Variants in USH2A observed in about 807,000 individuals in gnomAD.
USH2A encodes usherin, also known as Usher syndrome 2A (autosomal recessive, mild).
USH2A carries 443 observed loss-of-function variants against 538.9 expected under a neutral mutation model. The ratio of observed to expected loss-of-function variants is 0.82; its 90% CI spans 0.76 to 0.89. The LOEUF (loss-of-function observed/expected upper bound fraction) is 0.89, where lower values mean the gene tolerates loss of function less well. Among genes scored for constraint, USH2A ranks in the 40% least tolerant of loss-of-function variants. The pLI, the probability that USH2A is intolerant of heterozygous loss-of-function variation, is 0.00. For missense variants in USH2A, 6,633 were observed against 6,324.8 expected (o/e 1.05, Z -1.65); for synonymous variants, 2,413 against 2,273.5 (o/e 1.06, Z -1.75).
chr1:215,774,519 T>C (rs1571673552), intron 55 of USH2A, among the ~76,000 whole-genome samples: 1 of 151,942 alleles, frequency 6.6e-6, no homozygotes, highest in Non-Finnish European at 1.5e-5. Flanking sequence ...TATATTTTGA[T>C]TTTAGTGACA....
chr1:215,637,866 A>G (rs1656547266), intron 69 of USH2A, among the ~76,000 whole-genome samples: 1 of 152,120 alleles, frequency 6.6e-6, no homozygotes, highest in African/African-American at 2.4e-5. Context: ...TTGATATATC[A>G]TTAATTACTG....
At chr1:216,017,890 T>C (rs1167926815) in intron 32 of USH2A, among the ~76,000 whole-genome samples, 1 of 152,184 alleles carries the variant, frequency 6.6e-6, no homozygotes, top group African/African-American at 2.4e-5. Flanking sequence ...ACGCCTTATA[T>C]AGCATAAGAA....
At chr1:216,273,707 T>A (rs183277487) in intron 11 of USH2A, among the ~76,000 whole-genome samples, 2 of 151,714 alleles carry the variant, frequency 1.3e-5, no homozygotes, top group African/African-American at 2.4e-5. Flanking sequence ...GGAGATATTA[T>A]CAAATATAGG....
At chr1:216,094,082 T>G (rs1239673465) in intron 22 of USH2A, among the ~76,000 whole-genome samples, 1 of 152,238 alleles carries the variant, frequency 6.6e-6, no homozygotes, top group Non-Finnish European at 1.5e-5. Context: ...TCTGGCTTCT[T>G]CTTAAATATC....
intron 44 of USH2A, among the ~76,000 whole-genome samples, chr1:215,863,539 C>T (rs1664386225): frequency 6.6e-6 from 1 of 152,054 alleles, no homozygotes; most frequent in Admixed American, 6.6e-5. Flanking sequence ...TTAAACTTGC[C>T]CTCTTAATGA....
At chr1:216,145,095 C>A (rs1340650957) in intron 21 of USH2A, among the ~76,000 whole-genome samples, 2 of 152,158 alleles carry the variant, frequency 1.3e-5, no homozygotes, top group Non-Finnish European at 2.9e-5. Flanking sequence ...TCCCTCCTTC[C>A]CTTCCCTCAC....
chr1:216,183,556 T>TA (rs2034533628), intron 20 of USH2A, among the ~76,000 whole-genome samples: 1 of 152,008 alleles, frequency 6.6e-6, no homozygotes, highest in South Asian at 2.1e-4. Flanking sequence ...GACCATATGT[T>TA]ACAGTGCTGT....
At chr1:215,716,665 C>G (rs2364862) in intron 61 of USH2A, among the ~76,000 whole-genome samples, 33,443 of 152,112 alleles carry the variant, frequency 0.22, 3,996 homozygotes, top group African/African-American at 0.31. Context: ...GTTAGACAAC[C>G]CACCCTTTTG....
At position 215,623,516 on chromosome 1, in the gene USH2A, G is replaced by A. The variant is rs1217713416; in HGVS notation, c.*2265C>T. 2 of 152,072 alleles carry A rather than the reference G, an allele frequency of 1.3e-5. No individual in the cohort carries two copies. The highest frequency in any genetic ancestry group is 4.8e-5 in the African/African-American group (2 of 41,410). The allele number at this position is 152,072 out of a possible 1,614,324, so 9.4% of individuals were successfully genotyped here. A position where few individuals can be genotyped will look rare whatever the true frequency, so the allele number is the denominator to read the frequency against. On this transcript the variant is annotated 3_prime_UTR_variant, in exon 72 of 72. Transcript: ENST00000307340. Reference sequence around the variant, plus strand: ...TGCATGGTTTGTATAATAGAGGCTTGGCACGCAATACCACTTAAAGTAGCA... The same window carrying A: ...TGCATGGTTTGTATAATAGAGGCTTAGCACGCAATACCACTTAAAGTAGCA...
chr1:216,383,834 C>T (rs1468901429), intron 3 of USH2A, among the ~76,000 whole-genome samples: 1 of 151,304 alleles, frequency 6.6e-6, no homozygotes, highest in Non-Finnish European at 1.5e-5. Flanking sequence ...ACCACCATGC[C>T]TGGCTAATTT....
Position 216,004,765 on chromosome 1 carries a change from G to A in USH2A, c.6326-4203C>T, listed in dbSNP as rs368997376. ...CCACTAGTGAAGGGAAAACTATGAAGTGGATGAAAGAGAAAAAAATTGCTG... is the reference window on the plus strand; with the variant it reads ...CCACTAGTGAAGGGAAAACTATGAAATGGATGAAAGAGAAAAAAATTGCTG... On this transcript the variant is annotated intron_variant, in intron 32 of 71. Coordinates refer to ENST00000307340, the MANE Select transcript of USH2A (RefSeq NM_206933.4). 1.7e-4 allele frequency among the ~76,000 whole-genome samples: 26 copies of A among 152,280 alleles called. No individual in the cohort carries two copies. In the South Asian group the frequency reaches 5.4e-3, roughly 32 times the overall value.
intron 15 of USH2A, among the ~76,000 whole-genome samples, chr1:216,209,380 A>G (rs1432605383): frequency 6.6e-6 from 1 of 152,200 alleles, no homozygotes; most frequent in East Asian, 1.9e-4. Context: ...ACTGATGGCC[A>G]GAGGGCAATG....
intron 61 of USH2A, among the ~76,000 whole-genome samples, chr1:215,724,302 C>T (rs1659748442): frequency 6.6e-6 from 1 of 151,944 alleles, no homozygotes; most frequent in African/African-American, 2.4e-5. Context: ...GAAATCATGT[C>T]TTTTGCAGCA....
chr1:215,852,548 C>T (rs969695412), intron 44 of USH2A, among the ~76,000 whole-genome samples: 2 of 152,160 alleles, frequency 1.3e-5, no homozygotes, highest in African/African-American at 4.8e-5. Flanking sequence ...AGTCTTAACT[C>T]ATTTCAGCAT....
chr1:215,716,789 G>A (rs1659500854), intron 61 of USH2A, among the ~76,000 whole-genome samples: 1 of 152,108 alleles, frequency 6.6e-6, no homozygotes, highest in African/African-American at 2.4e-5. Flanking sequence ...ACCTAAGGGG[G>A]TCCTTAATAC....
chr1:215,721,572 A>C (rs541745638), intron 61 of USH2A, among the ~76,000 whole-genome samples: 9 of 152,256 alleles, frequency 5.9e-5, no homozygotes, highest in Admixed American at 5.9e-4. Flanking sequence ...TAATTACATA[A>C]ATTTCAAAAG....
intron 35 of USH2A, among the ~76,000 whole-genome samples, chr1:215,978,081 T>C (rs1038569289): frequency 3.9e-5 from 6 of 152,148 alleles, no homozygotes; most frequent in African/African-American, 1.2e-4. Context: ...GGGCCATGAT[T>C]GCACCACTGC....
intron 67 of USH2A, among the ~76,000 whole-genome samples, chr1:215,645,015 C>T (rs1381943442): frequency 3.3e-5 from 5 of 152,182 alleles, no homozygotes; most frequent in African/African-American, 7.2e-5. Context: ...TTATTTCAGA[C>T]GGAAGAAGGA....
chr1:215,653,464 C>T (rs1393358151), intron 64 of USH2A, among the ~76,000 whole-genome samples: 1 of 152,122 alleles, frequency 6.6e-6, no homozygotes, highest in Non-Finnish European at 1.5e-5. Flanking sequence ...TATAAATCAA[C>T]ATGCTTATGC....
Sources: allele counts gnomAD v4.1 joint callset (sites outside exome capture counted in the v4.1 genomes callset), GRCh38; gene constraint gnomAD v4.1.1; transcripts MANE v1.5; gene names NCBI Gene and HGNC (gene_info 2026-07-23, HGNC 2026-07-21).